Variants in WDPCP observed in about 807,000 individuals in gnomAD.
The protein encoded by WDPCP is WD repeat containing planar cell polarity effector.
In WDPCP, 71 loss-of-function variants were observed where a neutral mutation model predicts 93.1. That is an observed-to-expected ratio of 0.76 (90% confidence interval 0.63 to 0.93). The LOEUF (loss-of-function observed/expected upper bound fraction) is 0.93, where lower values mean the gene tolerates loss of function less well. WDPCP is among the 40% of genes least tolerant of loss of function. The pLI is 0.00. For missense variants in WDPCP, 844 were observed against 887.4 expected, an observed-to-expected ratio of 0.95 and a Z score of 0.62; for synonymous variants, 315 against 315.0, an observed-to-expected ratio of 1.00 and a Z score of 0.00.
At chr2:63,680,649 G>T (rs1308777306) in intron 2 of WDPCP, among the ~76,000 whole-genome samples, 2 of 152,170 alleles carry the variant, frequency 1.3e-5, no homozygotes. Context: ...TCCTAGTGCT[G>T]TTCTGGGCTT....
intron 14 of WDPCP, among the ~76,000 whole-genome samples, chr2:63,224,321 G>T (rs531000488): frequency 3.9e-5 from 6 of 152,086 alleles, no homozygotes; most frequent in East Asian, 3.9e-4. Flanking sequence ...CACTTTGGAG[G>T]AAAGTTTGGT....
chr2:63,440,934 G>C (rs1027106285), intron 6 of WDPCP: 1 of 152,210 alleles, frequency 6.6e-6, no homozygotes, highest in African/African-American at 2.4e-5. Flanking sequence ...TGAAAGATAA[G>C]CAGCATGAGG....
intron 12 of WDPCP, among the ~76,000 whole-genome samples, chr2:63,344,801 A>G (rs574786712): frequency 1.3e-5 from 2 of 152,338 alleles, no homozygotes; most frequent in Admixed American, 6.5e-5. Flanking sequence ...TGGTCAAAAT[A>G]CACAACCACA....
chr2:63,316,547 G>A (rs751883745), intron 12 of WDPCP, among the ~76,000 whole-genome samples: 6 of 151,990 alleles, frequency 3.9e-5, no homozygotes, highest in Admixed American at 1.3e-4. Context: ...CAGCTACTCA[G>A]GAGGCTGAGG....
At chr2:63,491,231 A>T (rs1042487719) in intron 2 of WDPCP, among the ~76,000 whole-genome samples, 1 of 151,874 alleles carries the variant, frequency 6.6e-6, no homozygotes, top group Non-Finnish European at 1.5e-5. Flanking sequence ...TTCCTACATT[A>T]TCTCTGTTTC....
In WDPCP at chr2:63,684,967, A is replaced by T. The variant is rs576380217; in HGVS notation, n.309-34129T>A. On this transcript the variant is annotated intron_variant and non_coding_transcript_variant, in intron 2 of 4. Transcript: ENST00000467687. The stretch of plus-strand genomic sequence containing the variant: ...CAAAATACCAAAACCAATGGGGTAC[A>T]GCAAAAGCAGTACTAGCAGGGAAGT... Among the ~76,000 whole-genome samples, 3 of 152,322 alleles carry T rather than the reference A, an allele frequency of 2.0e-5. No homozygotes were observed. In the South Asian group the frequency reaches 6.2e-4, roughly 32 times the overall value.
chr2:63,645,777 G>GT (rs1344096634), intron 3 of WDPCP, among the ~76,000 whole-genome samples: 5 of 152,084 alleles, frequency 3.3e-5, no homozygotes, highest in South Asian at 2.1e-4. Flanking sequence ...TCTTCTTACA[G>GT]TTTTTCTCTT....
At chr2:63,440,010 C>A in intron 6 of WDPCP, 139 bp from the exon 7 acceptor site, 1 of 641,528 alleles carries the variant, frequency 1.6e-6, no homozygotes. Flanking sequence ...AGATTTTCTT[C>A]ACTGAAAAAC....
chr2:63,350,304 G>A (rs1000484414), intron 12 of WDPCP, among the ~76,000 whole-genome samples: 2 of 152,098 alleles, frequency 1.3e-5, no homozygotes, highest in South Asian at 2.1e-4. Flanking sequence ...GTGCAGGGCT[G>A]GGGGAGGGAT....
intron 12 of WDPCP, among the ~76,000 whole-genome samples, chr2:63,354,305 A>T (rs1339569469): frequency 6.6e-6 from 1 of 152,144 alleles, no homozygotes; most frequent in Non-Finnish European, 1.5e-5. Flanking sequence ...AGCCTCCAGG[A>T]GACAAGCATA....
At chr2:63,429,376 A>C (rs901837239) in intron 9 of WDPCP, among the ~76,000 whole-genome samples, 2 of 152,208 alleles carry the variant, frequency 1.3e-5, no homozygotes, top group African/African-American at 4.8e-5. Context: ...CTACACAGCA[A>C]GAAACACTAT....
At chr2:63,588,669 C>T (rs1037607547), upstream of WDPCP, 1 of 478,548 alleles carries the variant, frequency 2.1e-6, no homozygotes, top group Non-Finnish European at 3.8e-6. Context: ...CACACGCTAT[C>T]TCTCCCGCCA....
intron 1 of WDPCP, among the ~76,000 whole-genome samples, chr2:63,494,919 CAA>C (rs34227025): frequency 8.5e-4 from 59 of 69,626 alleles, no homozygotes; most frequent in East Asian, 2.3e-3. Context: ...GACTCCGTCT[CAA>C]AAAAAAAAAA....
intron 14 of WDPCP, among the ~76,000 whole-genome samples, chr2:63,226,292 C>G (rs1279282034): frequency 6.6e-6 from 1 of 151,746 alleles, no homozygotes; most frequent in South Asian, 2.1e-4. Flanking sequence ...CCTAGGGATT[C>G]CTCCCTTCAA....
chr2:63,811,627 A>G (rs1670863941), intron 2 of WDPCP, among the ~76,000 whole-genome samples: 1 of 149,312 alleles, frequency 6.7e-6, no homozygotes, highest in Non-Finnish European at 1.5e-5. Flanking sequence ...TTTATTTTAG[A>G]GTCAGGGAGT....
chr2:63,824,361 A>G (rs1261287936), intron 1 of WDPCP, among the ~76,000 whole-genome samples: 1 of 138,596 alleles, frequency 7.2e-6, no homozygotes, highest in Non-Finnish European at 1.5e-5. Flanking sequence ...TAGTATAAAA[A>G]TGCACTAATG....
intron 17 of WDPCP, among the ~76,000 whole-genome samples, chr2:63,143,292 CTTTAAG>C (rs1671232657): frequency 6.6e-6 from 1 of 152,108 alleles, no homozygotes; most frequent in African/African-American, 2.4e-5. Context: ...TGCCCCTTTA[CTTTAAG>C]TTTATGTGAG....
At chr2:63,781,512 T>A (rs1045826335) in intron 2 of WDPCP, among the ~76,000 whole-genome samples, 1 of 152,132 alleles carries the variant, frequency 6.6e-6, no homozygotes, top group African/African-American at 2.4e-5. Context: ...ATTTATTGAG[T>A]GCTTACCCTA....
chr2:63,254,982 A>G (rs1386350007), intron 14 of WDPCP, among the ~76,000 whole-genome samples: 7 of 152,178 alleles, frequency 4.6e-5, no homozygotes, highest in Non-Finnish European at 7.4e-5. Flanking sequence ...TTAGTTTGCC[A>G]TTTGAAAATC....
Sources: allele counts gnomAD v4.1 joint callset (sites outside exome capture counted in the v4.1 genomes callset), GRCh38; gene constraint gnomAD v4.1.1; transcripts MANE v1.5; gene names NCBI Gene and HGNC (gene_info 2026-07-23, HGNC 2026-07-21).